Variants in SH3KBP1 observed in about 807,000 individuals in gnomAD.
The protein encoded by SH3KBP1 is SH3 domain-containing kinase-binding protein 1.
Under a neutral mutation model 50.1 loss-of-function variants are expected in SH3KBP1, and 8 were observed. That is an observed-to-expected ratio of 0.16 (90% confidence interval 0.09 to 0.29). The LOEUF is 0.29. Among genes scored for constraint, SH3KBP1 ranks in the 10% least tolerant of loss-of-function variants. The pLI is 1.00. For missense variants in SH3KBP1, 377 were observed against 535.2 expected, an observed-to-expected ratio of 0.70 and a Z score of 2.92; for synonymous variants, 227 against 218.6, an observed-to-expected ratio of 1.04 and a Z score of -0.34.
chrX:19,741,515 A>G (rs1163500427), intron 3 of SH3KBP1, among the ~76,000 whole-genome samples: 1 of 112,326 alleles, frequency 8.9e-6, no homozygotes, highest in Non-Finnish European at 1.9e-5. Context: ...GCATAATAAT[A>G]TAGCAAAAAA....
At chrX:19,722,720 C>G (rs1316670557) in intron 3 of SH3KBP1, among the ~76,000 whole-genome samples, 2 of 109,015 alleles carry the variant, frequency 1.8e-5, no homozygotes, top group Non-Finnish European at 3.8e-5. Context: ...GAGGGATTGC[C>G]TGACTTCCAC....
chrX:19,832,404 A>G (rs891369510), intron 2 of SH3KBP1, among the ~76,000 whole-genome samples: 4 of 111,868 alleles, frequency 3.6e-5, no homozygotes, highest in African/African-American at 6.5e-5. Context: ...AAGGAAACAG[A>G]TGGCCCACTC....
At chrX:19,721,887 A>G (rs2064067874) in intron 3 of SH3KBP1, among the ~76,000 whole-genome samples, 1 of 111,033 alleles carries the variant, frequency 9.0e-6, no homozygotes, top group Non-Finnish European at 1.9e-5. Flanking sequence ...CTGTAGTCTC[A>G]GCTACCCGGG....
intron 1 of SH3KBP1, among the ~76,000 whole-genome samples, chrX:19,838,326 G>A (rs2068117882): frequency 8.9e-6 from 1 of 112,188 alleles, no homozygotes; most frequent in South Asian, 3.6e-4. Context: ...GAATCAAGGA[G>A]TACCACCAGA....
chrX:19,638,847 G>A (rs1018096227), intron 7 of SH3KBP1, among the ~76,000 whole-genome samples: 2 of 111,976 alleles, frequency 1.8e-5, no homozygotes, highest in Admixed American at 9.4e-5. Context: ...ATAACTGAGC[G>A]TCCACTGCAT....
intron 1 of SH3KBP1, among the ~76,000 whole-genome samples, chrX:19,878,505 TGAGA>T (rs57445899): frequency 0.13 from 6,209 of 47,963 alleles, 833 homozygotes; most frequent in African/African-American, 0.32. Context: ...TGTGTGTGTG[TGAGA>T]GAGAGAGAGA....
chrX:19,664,383 C>T (rs753548069), intron 6 of SH3KBP1, among the ~76,000 whole-genome samples: 5 of 111,399 alleles, frequency 4.5e-5, no homozygotes, highest in Non-Finnish European at 9.4e-5. Context: ...TTGGGCTACA[C>T]ACAAACACAC....
At chrX:19,863,200 C>T (rs1034942014) in intron 1 of SH3KBP1, among the ~76,000 whole-genome samples, 4 of 111,088 alleles carry the variant, frequency 3.6e-5, no homozygotes, top group African/African-American at 1.3e-4. Context: ...GCAGTGTGCT[C>T]TCTTTTTTTT....
intron 12 of SH3KBP1, among the ~76,000 whole-genome samples, chrX:19,584,884 A>C (rs887879176): frequency 1.8e-5 from 2 of 111,744 alleles, no homozygotes; most frequent in African/African-American, 3.3e-5. Context: ...ATGTCCATGC[A>C]TGCAATCGTC....
At chrX:19,738,694 CAAAAAAAAAAAAA>C (rs1193680181) in intron 3 of SH3KBP1, among the ~76,000 whole-genome samples, 14 of 37,175 alleles carry the variant, frequency 3.8e-4, no homozygotes, top group Non-Finnish European at 6.8e-4. Flanking sequence ...GTCAGCAATG[CAAAAAAAAAAAAA>C]AAAAAAAAAG....
intron 9 of SH3KBP1, among the ~76,000 whole-genome samples, chrX:19,597,264 CA>C (rs976172646): frequency 1.8e-5 from 2 of 111,824 alleles, no homozygotes; most frequent in African/African-American, 6.5e-5. Context: ...TGTCAATAAG[CA>C]GTAATATTTT....
At chrX:19,573,502 G>T (rs762459115) in intron 12 of SH3KBP1, among the ~76,000 whole-genome samples, 3 of 111,665 alleles carry the variant, frequency 2.7e-5, no homozygotes, top group African/African-American at 9.7e-5. Flanking sequence ...GGCCAGGATG[G>T]TCTTGAATTC....
chrX:19,718,736 T>G (rs772500744), intron 3 of SH3KBP1, among the ~76,000 whole-genome samples: 28 of 111,842 alleles, frequency 2.5e-4, no homozygotes, highest in Non-Finnish European at 4.1e-4. Flanking sequence ...ACAAGGGGCC[T>G]CGGACCTCCC....
intron 6 of SH3KBP1, among the ~76,000 whole-genome samples, chrX:19,666,394 T>C (rs941953842): frequency 9.0e-6 from 1 of 111,138 alleles, no homozygotes; most frequent in African/African-American, 3.3e-5. Flanking sequence ...CTGGTCACCA[T>C]TAAACCTCTG....
intron 13 of SH3KBP1, among the ~76,000 whole-genome samples, chrX:19,553,898 A>T (rs2065321546): frequency 1.2e-5 from 1 of 80,635 alleles, no homozygotes. Context: ...ATTATATATT[A>T]TATATATAAA....
chrX:19,599,918 C>T (rs2067025820), intron 9 of SH3KBP1, among the ~76,000 whole-genome samples: 2 of 109,576 alleles, frequency 1.8e-5, no homozygotes, highest in South Asian at 3.9e-4. Flanking sequence ...GAGGCAGAGG[C>T]GGGCAGATCA....
Position 19,648,707 on chromosome X carries a change from G to A in SH3KBP1, c.727-3232C>T, listed in dbSNP as rs1401874228. On this transcript the variant is annotated intron_variant, in intron 6 of 17. Coordinates refer to ENST00000397821, the MANE Select transcript of SH3KBP1 (RefSeq NM_031892.3). ...TGGCTCACACATTAAAGGACATTTA[G>A]CAACCCTTGCCACTACCCACTCAAA... Among the ~76,000 whole-genome samples the A allele has an allele frequency of 2.7e-5, 3 of 110,622 alleles. No homozygotes were observed. The East Asian group carries it at 8.6e-4, about 32-fold the overall frequency.
At chrX:19,581,801 C>G (rs949450025) in intron 12 of SH3KBP1, among the ~76,000 whole-genome samples, 2 of 102,610 alleles carry the variant, frequency 1.9e-5, no homozygotes, top group African/African-American at 7.1e-5. Flanking sequence ...TCATCAGTCA[C>G]TTAACTCCCA....
At chrX:19,669,402 C>A (rs986807668) in intron 6 of SH3KBP1, among the ~76,000 whole-genome samples, 1 of 108,642 alleles carries the variant, frequency 9.2e-6, no homozygotes, top group Non-Finnish European at 1.9e-5. Flanking sequence ...AACAAACAAG[C>A]AAAGGGTTCA....
Sources: allele counts gnomAD v4.1 joint callset (sites outside exome capture counted in the v4.1 genomes callset), GRCh38; gene constraint gnomAD v4.1.1; transcripts MANE v1.5; gene names NCBI Gene and HGNC (gene_info 2026-07-23, HGNC 2026-07-21).